Variants in ZDHHC13 observed in about 807,000 individuals in gnomAD.
The protein encoded by ZDHHC13 is palmitoyltransferase ZDHHC13.
Under a neutral mutation model 86.0 loss-of-function variants are expected in ZDHHC13, and 85 were observed. That is an observed-to-expected ratio of 0.99 (90% CI 0.83 to 1.18). ZDHHC13 has a LOEUF of 1.18. Among genes scored for constraint, ZDHHC13 ranks in the 50% most tolerant of loss-of-function variants. The pLI, the probability that ZDHHC13 is intolerant of heterozygous loss-of-function variation, is 0.00. For missense variants in ZDHHC13, 711 were observed against 730.2 expected, an observed-to-expected ratio of 0.97 and a Z score of 0.30; for synonymous variants, 263 against 246.4, an observed-to-expected ratio of 1.07 and a Z score of -0.63.
chr11:19,145,924 C>A (rs1055451588), intron 2 of ZDHHC13, among the ~76,000 whole-genome samples: 2 of 152,104 alleles, frequency 1.3e-5, no homozygotes, highest in Admixed American at 6.6e-5. Flanking sequence ...TGAAGGAAGG[C>A]AATGTAAGTT....
intron 12 of ZDHHC13, chr11:19,164,652 G>A (rs1383085011): frequency 6.8e-6 from 3 of 440,524 alleles, no homozygotes; most frequent in Non-Finnish European, 1.2e-5. Context: ...CAAATCAGAG[G>A]CTCATAATGA....
At chr11:19,173,099 A>G (rs573315782) in intron 16 of ZDHHC13, among the ~76,000 whole-genome samples, 1 of 152,342 alleles carries the variant, frequency 6.6e-6, no homozygotes, top group East Asian at 1.9e-4. Flanking sequence ...GTCAAGCCAC[A>G]TGGTCACAAG....
chr11:19,146,106 T>A, intron 2 of ZDHHC13, 75 bp from the exon 3 acceptor site: 1 of 1,419,672 alleles, frequency 7.0e-7, no homozygotes, highest in Non-Finnish European at 9.5e-7. Flanking sequence ...TGAAAAGATA[T>A]AGTAAAGTGA....
intron 15 of ZDHHC13, among the ~76,000 whole-genome samples, chr11:19,172,265 G>T (rs1335797877): frequency 1.3e-5 from 2 of 152,082 alleles, no homozygotes; most frequent in Non-Finnish European, 2.9e-5. Context: ...TGGAGACGGG[G>T]TTTCACCACG....
intron 2 of ZDHHC13, among the ~76,000 whole-genome samples, chr11:19,144,854 G>A (rs140950730): frequency 2.0e-5 from 3 of 152,274 alleles, no homozygotes; most frequent in East Asian, 1.9e-4. Flanking sequence ...GGTGGCTCAC[G>A]CCTGTAAGCC....
chr11:19,170,499 A>T lies in ZDHHC13; in HGVS notation c.1563A>T (p.Leu521Phe). The change falls in exon 15 of 17, where the codon TTA (leucine) becomes TTT (phenylalanine). Residue 521 changes from leucine (L) to phenylalanine (F), a missense_variant. Leu to Phe is a conservative substitution (Grantham distance 22, BLOSUM62 0). Transcript: ENST00000446113. ...NQIVACSPWV[L>F]YILMLATFHF... ...TTGTGGCCTGTTCCCCTTGGGTTTT[A>T]TATATCTTGATGCTAGCAACTTTCC... is the stretch of plus-strand genomic sequence containing the variant. 6.6e-7 allele frequency: 1 copy of T among 1,518,876 alleles called. No homozygotes were observed. The highest frequency in any genetic ancestry group is 1.3e-5 in the South Asian group (1 of 78,694). 94.1% of individuals were successfully genotyped at this position (1,518,876 alleles called of 1,614,324 possible).
Position 19,155,892 on chromosome 11 carries a change from C to G in ZDHHC13, c.970C>G (p.Leu324Val). Residue 324 changes from leucine (L) to valine (V), a missense_variant, in exon 9 of 17, where the codon CTA becomes GTA. Coordinates refer to ENST00000446113, the MANE Select transcript of ZDHHC13 (RefSeq NM_019028.3). ...SDSWLLKGCL[L>V]VTLFFLTSLF... The stretch of plus-strand genomic sequence containing the variant: ...TTCTTGGCTTTTAAAAGGATGTCTT[C>G]TAGTAACACTGTTTTTTCTGACATC... 1 of 1,611,498 alleles carries G rather than the reference C, an allele frequency of 6.2e-7. No individual in the cohort carries two copies. Among genetic ancestry groups the G allele is most frequent in the Non-Finnish European group, 8.5e-7 (1 of 1,179,394 alleles).
intron 6 of ZDHHC13, among the ~76,000 whole-genome samples, chr11:19,151,714 T>G (rs1208017057): frequency 4.6e-5 from 7 of 152,098 alleles, no homozygotes; most frequent in Admixed American, 3.9e-4. Flanking sequence ...ACAAATATTT[T>G]AGGGCATAAT....
chr11:19,123,425 AAGACCAGTCTGGGCAACATAACG>A (rs1299309826), intron 1 of ZDHHC13, among the ~76,000 whole-genome samples: 24 of 152,140 alleles, frequency 1.6e-4, no homozygotes, highest in African/African-American at 4.8e-4. Flanking sequence ...TCAGGAGTTT[AAGACCAGTCTGGGCAACATAACG>A]AGACCAGTCT....
intron 2 of ZDHHC13, among the ~76,000 whole-genome samples, chr11:19,145,285 C>T (rs1368994024): frequency 3.3e-5 from 5 of 152,148 alleles, no homozygotes; most frequent in Non-Finnish European, 7.3e-5. Context: ...CCTATTGCTT[C>T]ACTCTTACTT....
chr11:19,154,127 A>G (rs1247023203), intron 8 of ZDHHC13, among the ~76,000 whole-genome samples: 1 of 152,210 alleles, frequency 6.6e-6, no homozygotes, highest in African/African-American at 2.4e-5. Context: ...TATATACTAT[A>G]AAATTCACTT....
rs757354879 is a variant in ZDHHC13, at chr11:19,146,202, T to C, written c.195T>C (p.Cys65=). ...KATQYGIFER[C]KELVEAGYDV... ...TGAGATACGGAATTTTTGAACGATG[T>C]AAAGAGTTGGTAGAAGCAGGATATG... Residue 65 remains cysteine, a synonymous_variant, in exon 3 of 17, where the codon TGT becomes TGC. Coordinates refer to ENST00000446113, the MANE Select transcript of ZDHHC13 (RefSeq NM_019028.3). 1.2e-6 allele frequency: 2 copies of C among 1,605,280 alleles called. No homozygotes were observed. Among genetic ancestry groups the C allele is most frequent in the Non-Finnish European group, 1.7e-6 (2 of 1,176,016 alleles).
intron 2 of ZDHHC13, among the ~76,000 whole-genome samples, chr11:19,144,606 A>T (rs545073590): frequency 4.3e-4 from 65 of 152,124 alleles, no homozygotes; most frequent in African/African-American, 1.5e-3. Flanking sequence ...TCAAAAATTT[A>T]CTCTTTTAAA....
intron 8 of ZDHHC13, among the ~76,000 whole-genome samples, chr11:19,154,042 A>T (rs1002915862): frequency 5.3e-5 from 8 of 152,118 alleles, no homozygotes; most frequent in African/African-American, 2.4e-5. Flanking sequence ...CATTCCTATG[A>T]TGTCTCCTCA....
At chr11:19,166,481 T>A in intron 14 of ZDHHC13, 96 bp downstream of exon 14, 1 of 953,222 alleles carries the variant, frequency 1.0e-6, no homozygotes, top group Non-Finnish European at 1.6e-6. Context: ...GCTGGGTGAC[T>A]ATAAACCATA....
intron 4 of ZDHHC13, chr11:19,148,958 A>G: frequency 2.7e-6 from 1 of 369,570 alleles, no homozygotes; most frequent in Non-Finnish European, 4.7e-6. Flanking sequence ...CATCTCAAAA[A>G]CAAAAAACAA....
chr11:19,147,749 C>T (rs947657644), intron 4 of ZDHHC13, 76 bp downstream of exon 4: 340 of 900,934 alleles, frequency 3.8e-4, no homozygotes, highest in Non-Finnish European at 5.0e-4. Flanking sequence ...CAGTTATAGA[C>T]GATTTGAAAG....
Position 19,122,345 on chromosome 11 carries a change from T to C in ZDHHC13, c.27+5069T>C, listed in dbSNP as rs200496280. On this transcript the variant is annotated intron_variant, in intron 1 of 16. Transcript: ENST00000446113. ...ACTTGTCAGATTGGATTAGATCATCTTTGTTTATACTTCATGTGTCTGATA... is the reference window on the plus strand; with the variant it reads ...ACTTGTCAGATTGGATTAGATCATCCTTGTTTATACTTCATGTGTCTGATA... Among the ~76,000 whole-genome samples, 4 of 152,322 alleles carry C rather than the reference T, an allele frequency of 2.6e-5. No homozygotes were observed. In the East Asian group the frequency reaches 7.7e-4, roughly 29 times the overall value.
chr11:19,140,814 GA>G (rs1484634896), intron 1 of ZDHHC13, among the ~76,000 whole-genome samples: 1 of 150,600 alleles, frequency 6.6e-6, no homozygotes, highest in Non-Finnish European at 1.5e-5. Flanking sequence ...ACTATTGCAA[GA>G]ACAAAAAACC....
Sources: allele counts gnomAD v4.1 joint callset (sites outside exome capture counted in the v4.1 genomes callset), GRCh38; gene constraint gnomAD v4.1.1; transcripts MANE v1.5; gene names NCBI Gene and HGNC (gene_info 2026-07-23, HGNC 2026-07-21).